Variants in SDCCAG8 observed in about 807,000 individuals in gnomAD.
The protein encoded by SDCCAG8 is serologically defined colon cancer antigen 8.
SDCCAG8 carries 74 observed loss-of-function variants against 101.8 expected under a neutral mutation model. The observed-to-expected ratio is 0.73, with a 90% confidence interval of 0.60 to 0.88. The LOEUF is 0.88. SDCCAG8 is among the 40% of genes least tolerant of loss of function. The probability of loss-of-function intolerance (pLI) is 0.00; values close to 1 mark genes in which losing one functional copy is unlikely to be tolerated. For missense variants in SDCCAG8, 787 were observed against 822.6 expected (o/e 0.96, Z 0.53); for synonymous variants, 281 against 292.9 (o/e 0.96, Z 0.41).
intron 14 of SDCCAG8, 25 bp from the exon 15 acceptor site, chr1:243,417,943 G>A (rs1335382855): frequency 6.7e-7 from 1 of 1,499,860 alleles, no homozygotes; most frequent in Non-Finnish European, 9.3e-7. Flanking sequence ...ATCTTATGTT[G>A]GTGGGGGTTT....
At chr1:243,457,417 T>C (rs1186722030) in intron 16 of SDCCAG8, among the ~76,000 whole-genome samples, 2 of 152,242 alleles carry the variant, frequency 1.3e-5, no homozygotes, top group Admixed American at 1.3e-4. Flanking sequence ...AAATGACTTA[T>C]AGGAGCCCTG....
chr1:243,415,638 G>A, intron 13 of SDCCAG8, 64 bp from the exon 14 acceptor site: 1 of 1,608,662 alleles, frequency 6.2e-7, no homozygotes, highest in Non-Finnish European at 8.5e-7. Context: ...GGTCTATAGG[G>A]GACATGATGG....
chr1:243,298,977 C>T (rs1573074892), intron 6 of SDCCAG8, among the ~76,000 whole-genome samples: 1 of 152,144 alleles, frequency 6.6e-6, no homozygotes, highest in South Asian at 2.1e-4. Flanking sequence ...ATTGAGATGG[C>T]TTTAAATTAT....
intron 3 of SDCCAG8, among the ~76,000 whole-genome samples, chr1:243,273,855 G>C (rs181008704): frequency 6.6e-6 from 1 of 152,080 alleles, no homozygotes; most frequent in Admixed American, 6.5e-5. Context: ...TGCTACCCCA[G>C]CATTTTTCCA....
intron 9 of SDCCAG8, among the ~76,000 whole-genome samples, chr1:243,322,069 G>A (rs964681615): frequency 3.3e-5 from 5 of 152,226 alleles, no homozygotes; most frequent in Non-Finnish European, 7.3e-5. Context: ...GTGTTGAATG[G>A]TAGCTCTATA....
intron 17 of SDCCAG8, among the ~76,000 whole-genome samples, chr1:243,491,636 A>G (rs549394634): frequency 6.6e-6 from 1 of 152,298 alleles, no homozygotes; most frequent in African/African-American, 2.4e-5. Flanking sequence ...AGCCTCTGCG[A>G]TGCCTTCTTG....
At chr1:243,385,832 G>A (rs2078249710) in intron 13 of SDCCAG8, among the ~76,000 whole-genome samples, 1 of 152,102 alleles carries the variant, frequency 6.6e-6, no homozygotes. Context: ...AGCCAGGCAT[G>A]GTGTTGCAAG....
At chr1:243,340,100 A>T (rs1198388554) in intron 10 of SDCCAG8, among the ~76,000 whole-genome samples, 1 of 152,222 alleles carries the variant, frequency 6.6e-6, no homozygotes, top group African/African-American at 2.4e-5. Flanking sequence ...CATAGAGTCC[A>T]TTGGAAAGCC....
At chr1:243,414,598 C>T (rs1017836166) in intron 13 of SDCCAG8, among the ~76,000 whole-genome samples, 3 of 152,084 alleles carry the variant, frequency 2.0e-5, no homozygotes, top group African/African-American at 7.2e-5. Flanking sequence ...CCTTATGTTG[C>T]TTTATAATTA....
intron 16 of SDCCAG8, among the ~76,000 whole-genome samples, chr1:243,443,738 GTGTC>G (rs1483511828): frequency 1.3e-5 from 2 of 152,152 alleles, no homozygotes; most frequent in African/African-American, 4.8e-5. Context: ...TCCGCTTGCT[GTGTC>G]TGTCTGTTTC....
intron 13 of SDCCAG8, among the ~76,000 whole-genome samples, chr1:243,404,479 C>T (rs957582531): frequency 4.6e-5 from 7 of 152,100 alleles, no homozygotes; most frequent in Non-Finnish European, 8.8e-5. Context: ...CATAAAATGA[C>T]TAAAAGGCAA....
intron 13 of SDCCAG8, among the ~76,000 whole-genome samples, chr1:243,405,167 A>T (rs1295960476): frequency 6.6e-6 from 1 of 152,128 alleles, no homozygotes; most frequent in African/African-American, 2.4e-5. Context: ...TGCCTGTCCC[A>T]AACTTAGACT....
chr1:243,489,862 A>T (rs1665954890), intron 17 of SDCCAG8, among the ~76,000 whole-genome samples: 1 of 152,174 alleles, frequency 6.6e-6, no homozygotes, highest in African/African-American at 2.4e-5. Flanking sequence ...GGGAAAAGGG[A>T]GGAAGGAAAG....
chr1:243,414,349 A>G (rs556288851), intron 13 of SDCCAG8, among the ~76,000 whole-genome samples: 1 of 152,246 alleles, frequency 6.6e-6, no homozygotes, highest in Admixed American at 6.5e-5. Flanking sequence ...GGAGGCAAAA[A>G]GTAGCCTAGT....
chr1:243,276,492 C>A (rs2068584353), intron 4 of SDCCAG8, among the ~76,000 whole-genome samples: 2 of 152,038 alleles, frequency 1.3e-5, no homozygotes, highest in South Asian at 4.1e-4. Flanking sequence ...TTTTTTAGAT[C>A]AGTTTTAGGT....
intron 10 of SDCCAG8, 121 bp downstream of exon 10, chr1:243,330,813 G>A (rs533397837): frequency 4.4e-6 from 4 of 913,814 alleles, no homozygotes; most frequent in Non-Finnish European, 6.8e-6. Flanking sequence ...TATTATATAA[G>A]TAGTTAAATT....
intron 11 of SDCCAG8, 32 bp from the exon 12 acceptor site, chr1:243,344,183 A>C (rs1374736364): frequency 6.5e-7 from 1 of 1,542,570 alleles, no homozygotes; most frequent in Admixed American, 1.7e-5. Context: ...AGATTCCAGC[A>C]GGTAATCATC....
At chr1:243,350,732 G>A (rs568797926) in intron 12 of SDCCAG8, among the ~76,000 whole-genome samples, 2 of 152,246 alleles carry the variant, frequency 1.3e-5, no homozygotes, top group East Asian at 3.9e-4. Flanking sequence ...AATCACAATA[G>A]CCTGAAACAA....
At chr1:243,267,348 A>G in intron 1 of SDCCAG8, 1 of 241,012 alleles carries the variant, frequency 4.1e-6, no homozygotes, top group Non-Finnish European at 8.2e-6. Context: ...TGTAATCCCA[A>G]GACTTTTGGA....
Sources: gnomAD v4.1 joint callset for allele counts (sites outside exome capture counted in the v4.1 genomes callset) on GRCh38, gnomAD v4.1.1 for gene constraint, MANE v1.5 for transcripts, NCBI Gene and HGNC (gene_info 2026-07-23, HGNC 2026-07-21) for gene names.